The following TLK1 variants were observed in gnomAD, a reference collection of about 807,000 sequenced individuals.
TLK1 encodes the protein tousled like kinase 1, also known as serine/threonine-protein kinase tousled-like 1.
In TLK1, 24 loss-of-function variants were observed where a neutral mutation model predicts 105.3. The ratio of observed to expected loss-of-function variants is 0.23; its 90% CI spans 0.17 to 0.32. TLK1 has a LOEUF of 0.32. Among genes scored for constraint, TLK1 ranks in the 10% least tolerant of loss-of-function variants. TLK1 has a pLI of 1.00. For missense variants in TLK1, 558 were observed against 910.5 expected (o/e 0.61, Z 4.98); for synonymous variants, 321 against 310.4 (o/e 1.03, Z -0.36).
intron 13 of TLK1, among the ~76,000 whole-genome samples, 157 bp downstream of exon 13, chr2:171,014,694 G>C (rs1401298230): frequency 6.6e-6 from 1 of 152,034 alleles, no homozygotes; most frequent in Non-Finnish European, 1.5e-5. Flanking sequence ...GGTGGCCAGG[G>C]ACCAAATCAT....
chr2:171,165,605 C>T (rs1235912314), upstream of TLK1, among the ~76,000 whole-genome samples: 1 of 152,168 alleles, frequency 6.6e-6, no homozygotes, highest in Non-Finnish European at 1.5e-5. Flanking sequence ...CCCCTTTCCC[C>T]CAAACCAACA....
chr2:171,163,744 CT>C (rs879896490), upstream of TLK1, among the ~76,000 whole-genome samples: 581 of 145,524 alleles, frequency 4.0e-3, no homozygotes, highest in Non-Finnish European at 3.6e-3. Flanking sequence ...ATTCATAGTA[CT>C]TTTTTTTTTT....
intron 1 of TLK1, among the ~76,000 whole-genome samples, chr2:171,208,937 T>C (rs6728710): frequency 0.029 from 4,379 of 152,350 alleles, 227 homozygotes; most frequent in African/African-American, 0.099. Flanking sequence ...TATGAGTTTA[T>C]TCTTTGCCCC....
intron 1 of TLK1, among the ~76,000 whole-genome samples, chr2:171,152,998 C>CT (rs1408730517): frequency 6.6e-6 from 1 of 151,732 alleles, no homozygotes; most frequent in Non-Finnish European, 1.5e-5. Context: ...TTTTTTAAAT[C>CT]TTATCTTCAC....
chr2:171,093,453 A>G (rs1689323728), intron 2 of TLK1, among the ~76,000 whole-genome samples: 1 of 152,312 alleles, frequency 6.6e-6, no homozygotes, highest in African/African-American at 2.4e-5. Flanking sequence ...GAAAGGGCAT[A>G]TGGGCATCTG....
chr2:171,132,326 C>T (rs952491094), intron 1 of TLK1, among the ~76,000 whole-genome samples: 1 of 152,048 alleles, frequency 6.6e-6, no homozygotes, highest in African/African-American at 2.4e-5. Context: ...CACTTCCCAC[C>T]GAGTCCCTTC....
chr2:171,022,183 CT>C (rs2105384006), intron 12 of TLK1, among the ~76,000 whole-genome samples: 1 of 150,832 alleles, frequency 6.6e-6, no homozygotes, highest in African/African-American at 2.4e-5. Context: ...TGAACATTAT[CT>C]ACTACCAAGT....
At chr2:171,114,231 G>T (rs537681006) in intron 2 of TLK1, among the ~76,000 whole-genome samples, 1 of 152,244 alleles carries the variant, frequency 6.6e-6, no homozygotes, top group African/African-American at 2.4e-5. Flanking sequence ...GATGGTGTAT[G>T]GTAGGCAGAA....
rs545019937 is a variant in TLK1, at chr2:171,103,975, T to C, written c.258+13764A>G. ...GCATTTCTATACACCAACAATGAAC[T>C]AGCAGAAAAAGAAATCAAGAAAGCA... On this transcript the variant is annotated intron_variant, in intron 2 of 20. Coordinates refer to ENST00000431350, the MANE Select transcript of TLK1 (RefSeq NM_012290.5). 5.3e-5 allele frequency among the ~76,000 whole-genome samples: 8 copies of C among 152,246 alleles called. No individual in the cohort carries two copies. The South Asian group carries it at 1.7e-3, about 32-fold the overall frequency.
At chr2:171,110,773 A>G (rs2105519173) in intron 2 of TLK1, among the ~76,000 whole-genome samples, 1 of 152,350 alleles carries the variant, frequency 6.6e-6, no homozygotes, top group African/African-American at 2.4e-5. Flanking sequence ...ACTATTTAAT[A>G]CCTTAATTGT....
chr2:171,174,309 C>T (rs1451697242), intron 1 of TLK1, among the ~76,000 whole-genome samples: 2 of 152,054 alleles, frequency 1.3e-5, no homozygotes, highest in African/African-American at 2.4e-5. Flanking sequence ...ATTCTTTCCC[C>T]CACCCTTTTC....
At chr2:171,073,340 CT>C (rs1247433885) in intron 3 of TLK1, among the ~76,000 whole-genome samples, 6 of 152,068 alleles carry the variant, frequency 3.9e-5, no homozygotes. Flanking sequence ...ATCGAATATA[CT>C]TTTTTAAAGG....
At chr2:171,000,173 T>G (rs1246856655) in intron 18 of TLK1, among the ~76,000 whole-genome samples, 1 of 151,984 alleles carries the variant, frequency 6.6e-6, no homozygotes, top group Non-Finnish European at 1.5e-5. Context: ...GTCGGCAGTT[T>G]GAGACCAGCC....
At position 170,993,691 on chromosome 2, in the gene TLK1, GAAAA is replaced by G. The variant is rs1559328519; in HGVS notation, c.*85_*88del. Reference sequence around the variant, plus strand: ...TGTAAAAAAAAAAAAAAAAAAAAAAGAAAAAGAAAACAAACACTCAAATGCTCTC... The same window carrying G: ...TGTAAAAAAAAAAAAAAAAAAAAAAGAGAAAACAAACACTCAAATGCTCTC... On this transcript the variant is annotated 3_prime_UTR_variant, in exon 21 of 21. Coordinates refer to ENST00000431350, the MANE Select transcript of TLK1 (RefSeq NM_012290.5). 1.7e-6 allele frequency: 1 copy of G among 577,048 alleles called. No individual in the cohort carries two copies. 35.7% of individuals were successfully genotyped at this position (577,048 alleles called of 1,614,324 possible). A position where few individuals can be genotyped will look rare whatever the true frequency, so the allele number is the denominator to read the frequency against.
chr2:171,093,800 A>T (rs2105493873), intron 2 of TLK1, among the ~76,000 whole-genome samples: 1 of 152,314 alleles, frequency 6.6e-6, no homozygotes, highest in Admixed American at 6.5e-5. Context: ...AGGGCTACAT[A>T]AAGGTAGATC....
In TLK1 at chr2:170,993,626, G is replaced by T; in HGVS notation, c.*154C>A. ...TCCTCTCTCATACAAATGACACTAT[G>T]AGGAACTTCAGTTCACAAACAGTTC... On this transcript the variant is annotated 3_prime_UTR_variant, in exon 21 of 21. Coordinates refer to ENST00000431350, the MANE Select transcript of TLK1 (RefSeq NM_012290.5). 1.7e-6 allele frequency: 1 copy of T among 582,554 alleles called. No individual in the cohort carries two copies. The highest frequency in any genetic ancestry group is 2.6e-6 in the Non-Finnish European group (1 of 377,576). 36.1% of individuals were successfully genotyped at this position (582,554 alleles called of 1,614,324 possible). A position where few individuals can be genotyped will look rare whatever the true frequency, so the allele number is the denominator to read the frequency against.
intron 1 of TLK1, among the ~76,000 whole-genome samples, chr2:171,206,536 G>A (rs747032815): frequency 1.3e-5 from 2 of 152,160 alleles, no homozygotes; most frequent in African/African-American, 2.4e-5. Flanking sequence ...CTAGGGCCTA[G>A]TAAGGCATAT....
At chr2:171,122,513 T>C (rs1235258803) in intron 1 of TLK1, among the ~76,000 whole-genome samples, 2 of 152,202 alleles carry the variant, frequency 1.3e-5, no homozygotes, top group Non-Finnish European at 2.9e-5. Flanking sequence ...TATACATTCA[T>C]GTTTCAGAAG....
In TLK1 at chr2:171,146,692, A is replaced by C. The variant is rs940035897; in HGVS notation, c.139+13598T>G. On this transcript the variant is annotated intron_variant, in intron 1 of 20. Coordinates refer to ENST00000431350, the MANE Select transcript of TLK1 (RefSeq NM_012290.5). ...GACATATCAACTGAAACAAGATACC[A>C]TTTTAACAGCAGTTAAACTGGAGGA... Among the ~76,000 whole-genome samples the C allele has an allele frequency of 5.3e-5, 8 of 152,228 alleles. No individual in the cohort carries two copies. The South Asian group carries it at 6.2e-4, about 12-fold the overall frequency.
Sources: allele counts gnomAD v4.1 joint callset (sites outside exome capture counted in the v4.1 genomes callset), GRCh38; gene constraint gnomAD v4.1.1; transcripts MANE v1.5; gene names NCBI Gene and HGNC (gene_info 2026-07-23, HGNC 2026-07-21).